Variants in C10orf95 observed in about 807,000 individuals in gnomAD.
The protein encoded by C10orf95 is chromosome 10 open reading frame 95, also known as uncharacterized protein C10orf95.
For synonymous variants in C10orf95, 188 were observed against 160.4 expected (o/e 1.17, Z -1.30); for missense variants, 412 against 327.4 (o/e 1.26, Z -1.99).
Position 102,450,541 on chromosome 10 carries a change from C to T in C10orf95, c.553G>A (p.Val185Met), listed in dbSNP as rs1325732433. The change falls in exon 2 of 2, where the codon GTG (valine) becomes ATG (methionine). Residue 185 changes from valine to methionine, a missense_variant. Val to Met is a conservative substitution (Grantham distance 21, BLOSUM62 1). Coordinates refer to ENST00000625129, the MANE Select transcript of C10orf95 (RefSeq NM_001363580.1). ...LEPDHRVEWR[V>M]RRRPDSGDSS... ...TCGCCGCTGTCGGGCCGGCGCCGCA[C>T]GCGCCACTCCACGCGGTGGTCGGGC... 9 of 1,364,458 alleles carry T rather than the reference C, an allele frequency of 6.6e-6. No individual in the cohort carries two copies. The East Asian group carries it at 1.9e-4, about 28-fold the overall frequency. 84.5% of individuals were successfully genotyped at this position (1,364,458 alleles called of 1,614,324 possible).
rs1246474839 is a variant in C10orf95, at chr10:102,450,289, C to T, written c.*163G>A. On this transcript the variant is annotated 3_prime_UTR_variant, in exon 2 of 2. Transcript: ENST00000625129. ...AGCAATAAAGCGAGAGAAACAAGTG[C>T]AGGAAACTGGCCGGCAGTCATGGGA... 3.8e-6 allele frequency: 3 copies of T among 788,828 alleles called. No homozygotes were observed. The South Asian group carries it at 4.4e-5, about 11-fold the overall frequency. The allele number at this position is 788,828 out of a possible 1,614,324, so 48.9% of individuals were successfully genotyped here. A position where few individuals can be genotyped will look rare whatever the true frequency, so the allele number is the denominator to read the frequency against.
At position 102,450,852 on chromosome 10, in the gene C10orf95, T is replaced by C. The variant is rs2061687926; in HGVS notation, c.242A>G (p.Tyr81Cys). 6.5e-6 allele frequency: 8 copies of C among 1,237,008 alleles called. No homozygotes were observed. Among genetic ancestry groups the C allele is most frequent in the Non-Finnish European group, 8.1e-6 (8 of 991,816 alleles). 76.6% of individuals were successfully genotyped at this position (1,237,008 alleles called of 1,614,324 possible). ...APPWWACPPA[Y>C]ATTLRRPCAA... ...GCAGGGCCGGCGCAGGGTCGTGGCG[T>C]AGGCCGGAGGGCAGGCCCACCAGGG... The change falls in exon 2 of 2, where the codon TAC becomes TGC. Residue 81 changes from tyrosine (Y) to cysteine (C), a missense_variant. Physicochemically the swap from Tyr to Cys is radical, Grantham distance 194. Coordinates refer to ENST00000625129, the MANE Select transcript of C10orf95 (RefSeq NM_001363580.1).
In C10orf95 at chr10:102,451,012, C is replaced by G; in HGVS notation, c.82G>C (p.Ala28Pro). The G allele has an allele frequency of 7.6e-7, 1 of 1,323,834 alleles. No homozygotes were observed. The highest frequency in any genetic ancestry group is 1.5e-5 in the African/African-American group (1 of 66,628). 82.0% of individuals were successfully genotyped at this position (1,323,834 alleles called of 1,614,324 possible). The change falls in exon 2 of 2, where the codon GCC becomes CCC. Residue 28 changes from alanine to proline, a missense_variant. By Grantham distance (27) the Ala-to-Pro change is conservative. Transcript: ENST00000625129. ...PQLLTCTYLA[A>P]PLLLPPVQAH... Reference sequence around the variant, plus strand: ...TGGACTGGGGGTAGCAGCAGAGGGGCGGCCAGGTAGGTGCAGGTGAGCAGC... The same window carrying G: ...TGGACTGGGGGTAGCAGCAGAGGGGGGGCCAGGTAGGTGCAGGTGAGCAGC...
chr10:102,451,471 C>T lies in C10orf95; in HGVS notation c.-140G>A, dbSNP rs373463632. The T allele has an allele frequency of 1.4e-6, 2 of 1,403,686 alleles. No individual in the cohort carries two copies. The allele number at this position is 1,403,686 out of a possible 1,614,324, so 87.0% of individuals were successfully genotyped here. A position where few individuals can be genotyped will look rare whatever the true frequency, so the allele number is the denominator to read the frequency against. ...GTAGCTGCGTTGCTCCGCTCCATGCCCTGCCTCAGCCACTCCTCCTGGTTA... is the reference window on the plus strand; with the variant it reads ...GTAGCTGCGTTGCTCCGCTCCATGCTCTGCCTCAGCCACTCCTCCTGGTTA... On this transcript the variant is annotated 5_prime_UTR_variant, in exon 1 of 2. Coordinates refer to ENST00000625129, the MANE Select transcript of C10orf95 (RefSeq NM_001363580.1).
chr10:102,450,722 C>G lies in C10orf95; in HGVS notation c.372G>C (p.Trp124Cys). ...GGCCCCGCGCGCGCTCCACGCGGCCCCAGCGCAGCTCGGTTTGCAGGCTCC... is the reference window on the plus strand; with the variant it reads ...GGCCCCGCGCGCGCTCCACGCGGCCGCAGCGCAGCTCGGTTTGCAGGCTCC... ...EGGSLQTELR[W>C]GRVERARGPP... Residue 124 changes from tryptophan (W) to cysteine (C), a missense_variant, in exon 2 of 2, where the codon TGG (tryptophan) becomes TGC (cysteine). By Grantham distance (215) the Trp-to-Cys change is radical. Transcript: ENST00000625129. The G allele has an allele frequency of 3.8e-6, 5 of 1,309,652 alleles. No individual in the cohort carries two copies. The highest frequency in any genetic ancestry group is 3.4e-5 in the Admixed American group (1 of 29,626). The allele number at this position is 1,309,652 out of a possible 1,614,324, so 81.1% of individuals were successfully genotyped here.
chr10:102,450,210 A>T lies in C10orf95; in HGVS notation c.*242T>A. ...AGGTGCAAGAAGAAAAGAGGTACAGAACACCCAGAGGTGCCCTCGATTCCG... is the reference window on the plus strand; with the variant it reads ...AGGTGCAAGAAGAAAAGAGGTACAGTACACCCAGAGGTGCCCTCGATTCCG... On this transcript the variant is annotated 3_prime_UTR_variant, in exon 2 of 2. Coordinates refer to ENST00000625129, the MANE Select transcript of C10orf95 (RefSeq NM_001363580.1). 1.5e-6 allele frequency: 1 copy of T among 650,462 alleles called. No homozygotes were observed. Among genetic ancestry groups the T allele is most frequent in the South Asian group, 1.5e-5 (1 of 65,042 alleles). 40.3% of individuals were successfully genotyped at this position (650,462 alleles called of 1,614,324 possible).
rs2061681809 is a variant in C10orf95, at chr10:102,450,045, G to C, written c.*407C>G. The C allele has an allele frequency of 4.1e-6, 1 of 244,226 alleles. No individual in the cohort carries two copies. Among genetic ancestry groups the C allele is most frequent in the African/African-American group, 2.2e-5 (1 of 44,520 alleles). The allele number at this position is 244,226 out of a possible 1,614,324, so 15.1% of individuals were successfully genotyped here. ...GGGGTAGGGGAGCGGTGGGAAAGGG[G>C]GGTGGGCGACGACTCTGATAGAGGG... On this transcript the variant is annotated 3_prime_UTR_variant, in exon 2 of 2. Coordinates refer to ENST00000625129, the MANE Select transcript of C10orf95 (RefSeq NM_001363580.1).
At chr10:102,451,251 A>T (rs995956142) in intron 1 of C10orf95, 104 bp from the exon 2 acceptor site, 2 of 1,420,888 alleles carry the variant, frequency 1.4e-6, no homozygotes, top group Admixed American at 2.7e-5. Flanking sequence ...GGGGGAATTC[A>T]TCCCAAATCG....
Position 102,450,374 on chromosome 10 carries a change from T to G in C10orf95, c.*78A>C. 3.4e-6 allele frequency: 5 copies of G among 1,450,664 alleles called. No homozygotes were observed. Among genetic ancestry groups the G allele is most frequent in the Non-Finnish European group, 4.7e-6 (5 of 1,073,136 alleles). The allele number at this position is 1,450,664 out of a possible 1,614,324, so 89.9% of individuals were successfully genotyped here. On this transcript the variant is annotated 3_prime_UTR_variant, in exon 2 of 2. Transcript: ENST00000625129. ...TCCCGCGCACAGGTGAGGGCTCACTTCTGCCTGTCGGCGGCGGCACACACA... is the reference window on the plus strand; with the variant it reads ...TCCCGCGCACAGGTGAGGGCTCACTGCTGCCTGTCGGCGGCGGCACACACA...
In C10orf95 at chr10:102,450,908, G is replaced by A. The variant is rs1184335659; in HGVS notation, c.186C>T (p.Tyr62=). 1.6e-5 allele frequency: 20 copies of A among 1,237,904 alleles called. No individual in the cohort carries two copies. In the South Asian group the frequency reaches 5.1e-4, roughly 31 times the overall value. The allele number at this position is 1,237,904 out of a possible 1,614,324, so 76.7% of individuals were successfully genotyped here. ...CGGCCTCGGGTGGCGCGGCGGGGCC[G>A]TAGAAGCGGTGGTATTCCCGTGGGG... is the stretch of plus-strand genomic sequence containing the variant. ...WAAPREYHRF[Y]GPAAPPEAAP... The change falls in exon 2 of 2, where the codon TAC becomes TAT. Residue 62 remains tyrosine (Y), a synonymous_variant. Transcript: ENST00000625129.
Position 102,450,679 on chromosome 10 carries a change from C to G in C10orf95, c.415G>C (p.Asp139His). Residue 139 changes from aspartate to histidine, a missense_variant, in exon 2 of 2, where the codon GAC becomes CAC. Physicochemically the swap from Asp to His is moderately conservative, Grantham distance 81. Transcript: ENST00000625129. Reference sequence around the variant, plus strand: ...CGCCGCAGCTCCCGGCGCACGAAGTCCGGTAGCTGCAGAGGGGGGCCCCGC... The same window carrying G: ...CGCCGCAGCTCCCGGCGCACGAAGTGCGGTAGCTGCAGAGGGGGGCCCCGC... ...RARGPPLQLP[D>H]FVRRELRRAY... is the part of the protein sequence containing the mutation. The G allele has an allele frequency of 8.1e-7, 1 of 1,234,246 alleles. No individual in the cohort carries two copies. The highest frequency in any genetic ancestry group is 1.0e-6 in the Non-Finnish European group (1 of 989,530). The allele number at this position is 1,234,246 out of a possible 1,614,324, so 76.5% of individuals were successfully genotyped here.
chr10:102,451,024 TGCAGGTGAGCAGCTGCG>T lies in C10orf95; in HGVS notation c.53_69del (p.Pro18HisfsTer219), dbSNP rs746775352. 14 of 1,355,526 alleles carry T rather than the reference TGCAGGTGAGCAGCTGCG, an allele frequency of 1.0e-5. No homozygotes were observed. Among genetic ancestry groups the T allele is most frequent in the Non-Finnish European group, 1.3e-5 (14 of 1,052,992 alleles). The allele number at this position is 1,355,526 out of a possible 1,614,324, so 84.0% of individuals were successfully genotyped here. ...AGCAGCAGAGGGGCGGCCAGGTAGGTGCAGGTGAGCAGCTGCGGCGGCGGCGGCCAGACGCCCTGTTT... is the reference window on the plus strand; with the variant it reads ...AGCAGCAGAGGGGCGGCCAGGTAGGTGCGGCGGCGGCCAGACGCCCTGTTT... On this transcript the variant is annotated frameshift_variant, in exon 2 of 2. Coordinates refer to ENST00000625129, the MANE Select transcript of C10orf95 (RefSeq NM_001363580.1). LOFTEE classifies it low-confidence loss of function (END_TRUNC).
chr10:102,450,727 G>T lies in C10orf95; in HGVS notation c.367C>A (p.Arg123Ser). ...PEGGSLQTELRWGRVERARGP... is the reference protein window; with the variant it reads ...PEGGSLQTELSWGRVERARGP... ...CGCGCGCGCTCCACGCGGCCCCAGC[G>T]CAGCTCGGTTTGCAGGCTCCCGCCC... The change falls in exon 2 of 2, where the codon CGC becomes AGC. Residue 123 changes from arginine (R) to serine (S), a missense_variant. By Grantham distance (110) the Arg-to-Ser change is moderately radical (BLOSUM62 -1). Coordinates refer to ENST00000625129, the MANE Select transcript of C10orf95 (RefSeq NM_001363580.1). The T allele has an allele frequency of 7.6e-7, 1 of 1,314,998 alleles. No individual in the cohort carries two copies. The highest frequency in any genetic ancestry group is 9.7e-7 in the Non-Finnish European group (1 of 1,028,114). 81.5% of individuals were successfully genotyped at this position (1,314,998 alleles called of 1,614,324 possible). A position where few individuals can be genotyped will look rare whatever the true frequency, so the allele number is the denominator to read the frequency against.
chr10:102,451,482 C>T lies in C10orf95; in HGVS notation c.-151G>A. 2 of 1,395,724 alleles carry T rather than the reference C, an allele frequency of 1.4e-6. No individual in the cohort carries two copies. Among genetic ancestry groups the T allele is most frequent in the Non-Finnish European group, 1.9e-6 (2 of 1,046,416 alleles). The allele number at this position is 1,395,724 out of a possible 1,614,324, so 86.5% of individuals were successfully genotyped here. ...GCTCCGCTCCATGCCCTGCCTCAGC[C>T]ACTCCTCCTGGTTACCAGGCAAAAG... On this transcript the variant is annotated 5_prime_UTR_variant, in exon 1 of 2. Coordinates refer to ENST00000625129, the MANE Select transcript of C10orf95 (RefSeq NM_001363580.1).
intron 1 of C10orf95, 31 bp downstream of exon 1, chr10:102,451,355 G>T: frequency 5.8e-6 from 9 of 1,563,922 alleles, no homozygotes; most frequent in Non-Finnish European, 7.8e-6. Context: ...GCCCTCCGCC[G>T]GGATGCTCTT....
In C10orf95 at chr10:102,451,437, C is replaced by T; in HGVS notation, c.-106G>A. On this transcript the variant is annotated 5_prime_UTR_variant, in exon 1 of 2. Transcript: ENST00000625129. Reference sequence around the variant, plus strand: ...GCGGGATCCAGAGCGGGGCTCCTCTCCGCACTTTGTAGCTGCGTTGCTCCG... The same window carrying T: ...GCGGGATCCAGAGCGGGGCTCCTCTTCGCACTTTGTAGCTGCGTTGCTCCG... 1 of 1,457,368 alleles carries T rather than the reference C, an allele frequency of 6.9e-7. No individual in the cohort carries two copies. Among genetic ancestry groups the T allele is most frequent in the Non-Finnish European group, 9.2e-7 (1 of 1,083,176 alleles). 90.3% of individuals were successfully genotyped at this position (1,457,368 alleles called of 1,614,324 possible).
In C10orf95 at chr10:102,450,698, G is replaced by C. The variant is rs974414601; in HGVS notation, c.396C>G (p.Gly132=). 3.2e-6 allele frequency: 4 copies of C among 1,253,236 alleles called. No individual in the cohort carries two copies. Among genetic ancestry groups the C allele is most frequent in the East Asian group, 6.9e-5 (2 of 29,040 alleles). 77.6% of individuals were successfully genotyped at this position (1,253,236 alleles called of 1,614,324 possible). A position where few individuals can be genotyped will look rare whatever the true frequency, so the allele number is the denominator to read the frequency against. Residue 132 remains glycine, a synonymous_variant, in exon 2 of 2, where the codon GGC becomes GGG. Transcript: ENST00000625129. ...CGAAGTCCGGTAGCTGCAGAGGGGG[G>C]CCCCGCGCGCGCTCCACGCGGCCCC... ...LRWGRVERAR[G]PPLQLPDFVR... is the part of the protein sequence containing the mutation.
Position 102,450,528 on chromosome 10 carries a change from G to T in C10orf95, c.566C>A (p.Pro189His), listed in dbSNP as rs2061684898. The T allele has an allele frequency of 7.3e-7, 1 of 1,377,758 alleles. No homozygotes were observed. Among genetic ancestry groups the T allele is most frequent in the South Asian group, 1.7e-5 (1 of 60,326 alleles). 85.3% of individuals were successfully genotyped at this position (1,377,758 alleles called of 1,614,324 possible). ...HRVEWRVRRR[P>H]DSGDSSPARE... Reference sequence around the variant, plus strand: ...GGCTGGGCTGCTGTCGCCGCTGTCGGGCCGGCGCCGCACGCGCCACTCCAC... The same window carrying T: ...GGCTGGGCTGCTGTCGCCGCTGTCGTGCCGGCGCCGCACGCGCCACTCCAC... The change falls in exon 2 of 2, where the codon CCC becomes CAC. Residue 189 changes from proline to histidine, a missense_variant. Coordinates refer to ENST00000625129, the MANE Select transcript of C10orf95 (RefSeq NM_001363580.1).
chr10:102,451,343 A>T (rs1589916176), intron 1 of C10orf95, 43 bp downstream of exon 1: 1 of 1,555,946 alleles, frequency 6.4e-7, no homozygotes, highest in Admixed American at 1.8e-5. Flanking sequence ...GAGCCTTTTC[A>T]AGCCCTCCGC....
Sources: allele counts gnomAD v4.1 joint callset, GRCh38; gene constraint gnomAD v4.1.1; transcripts MANE v1.5; gene names NCBI Gene and HGNC (gene_info 2026-07-23, HGNC 2026-07-21).